PRKCA: variants seen among roughly 807,000 people sequenced by gnomAD.
PRKCA encodes the protein protein kinase C alpha type.
A neutral mutation model predicts 87.0 loss-of-function variants in PRKCA; 27 were observed. The ratio of observed to expected loss-of-function variants is 0.31; its 90% confidence interval spans 0.23 to 0.43. PRKCA has a LOEUF of 0.43. Ranked by LOEUF, PRKCA falls within the 20% of genes least tolerant of loss-of-function variation. The pLI is 1.00. For synonymous variants in PRKCA, 329 were observed against 311.1 expected (o/e 1.06, Z -0.61); for missense variants, 518 against 852.3 (o/e 0.61, Z 4.88).
chr17:66,684,137 A>G (rs1170694222), intron 5 of PRKCA, among the ~76,000 whole-genome samples: 1 of 151,916 alleles, frequency 6.6e-6, no homozygotes, highest in Admixed American at 6.6e-5. Context: ...TTTGCTTACC[A>G]CTCCGTAAGC....
intron 8 of PRKCA, among the ~76,000 whole-genome samples, chr17:66,698,096 G>C (rs1212501063): frequency 6.6e-6 from 1 of 152,208 alleles, no homozygotes; most frequent in African/African-American, 2.4e-5. Context: ...ACTGGTGAAG[G>C]CATTTCTCTC....
intron 2 of PRKCA, among the ~76,000 whole-genome samples, chr17:66,337,123 T>C (rs1246825174): frequency 5.3e-5 from 8 of 151,922 alleles, no homozygotes; most frequent in African/African-American, 1.9e-4. Flanking sequence ...TAGGAATCTG[T>C]TTAATTAGAT....
chr17:66,320,656 G>A (rs1035564854), intron 2 of PRKCA, among the ~76,000 whole-genome samples: 3 of 152,254 alleles, frequency 2.0e-5, no homozygotes, highest in Admixed American at 6.5e-5. Flanking sequence ...GAAGATGACC[G>A]TTCACGAAAT....
chr17:66,440,899 A>G (rs994367263), intron 2 of PRKCA, among the ~76,000 whole-genome samples: 5 of 152,096 alleles, frequency 3.3e-5, no homozygotes, highest in African/African-American at 1.2e-4. Context: ...ATGGTGGCTC[A>G]TGCCTGTAAT....
chr17:66,433,670 G>C (rs1166616082), intron 2 of PRKCA, among the ~76,000 whole-genome samples: 4 of 152,100 alleles, frequency 2.6e-5, no homozygotes, highest in Middle Eastern at 3.4e-3. Context: ...ACAGCCTCCC[G>C]AGTAGCTGGG....
At chr17:66,782,966 G>A (rs1975277128) in intron 14 of PRKCA, among the ~76,000 whole-genome samples, 1 of 152,322 alleles carries the variant, frequency 6.6e-6, no homozygotes, top group East Asian at 1.9e-4. Flanking sequence ...GCAGAGAGAG[G>A]CTGAGAAATG....
At chr17:66,472,939 C>T (rs774006323) in intron 2 of PRKCA, among the ~76,000 whole-genome samples, 1 of 152,116 alleles carries the variant, frequency 6.6e-6, no homozygotes, top group Non-Finnish European at 1.5e-5. Flanking sequence ...TTAGTCAGAG[C>T]CCTTAAGCAT....
intron 5 of PRKCA, among the ~76,000 whole-genome samples, chr17:66,661,899 T>C (rs1287415713): frequency 6.6e-6 from 1 of 152,216 alleles, no homozygotes; most frequent in Non-Finnish European, 1.5e-5. Flanking sequence ...TTAAACAACC[T>C]TCCCCTGCGG....
intron 8 of PRKCA, among the ~76,000 whole-genome samples, chr17:66,725,490 G>C (rs1210918449): frequency 6.6e-6 from 1 of 152,026 alleles, no homozygotes; most frequent in African/African-American, 2.4e-5. Context: ...GATCTCACAG[G>C]CTAGTGAGGA....
At chr17:66,426,002 G>A (rs2143812174) in intron 2 of PRKCA, among the ~76,000 whole-genome samples, 1 of 152,276 alleles carries the variant, frequency 6.6e-6, no homozygotes, top group Non-Finnish European at 1.5e-5. Context: ...AAGGGATGAT[G>A]TAGCAGCAAA....
chr17:66,413,057 C>A lies in PRKCA; in HGVS notation c.206-83144C>A, dbSNP rs1911909452. On this transcript the variant is annotated intron_variant, in intron 2 of 16. Coordinates refer to ENST00000413366, the MANE Select transcript of PRKCA (RefSeq NM_002737.3). The stretch of plus-strand genomic sequence containing the variant: ...TCAGTTCAGTTCTGACGCTGCCCAC[C>A]TGGCAGTAGTGTCAGATCCCACAAG... Among the ~76,000 whole-genome samples the A allele has an allele frequency of 3.3e-5, 5 of 152,168 alleles. No homozygotes were observed. The South Asian group carries it at 1.0e-3, about 32-fold the overall frequency.
intron 14 of PRKCA, chr17:66,775,162 C>G (rs1358462829): frequency 1.2e-5 from 10 of 816,208 alleles, no homozygotes; most frequent in Non-Finnish European, 1.2e-5. Flanking sequence ...TTTGAATGAC[C>G]CTGTGGTCAG....
chr17:66,550,948 G>A (rs1968308250), intron 3 of PRKCA, among the ~76,000 whole-genome samples: 1 of 152,194 alleles, frequency 6.6e-6, no homozygotes. Context: ...TTCTTTTAAA[G>A]CCTATATAAC....
chr17:66,438,133 G>A (rs904435462), intron 2 of PRKCA, among the ~76,000 whole-genome samples: 20 of 152,052 alleles, frequency 1.3e-4, no homozygotes, highest in African/African-American at 4.8e-4. Context: ...TGTTCTGAAC[G>A]GGTCCCCCTT....
chr17:66,648,304 C>T (rs1344977508), intron 5 of PRKCA, among the ~76,000 whole-genome samples: 1 of 152,200 alleles, frequency 6.6e-6, no homozygotes, highest in East Asian at 1.9e-4. Context: ...GAATTCAGAC[C>T]ACAGCAAATA....
At chr17:66,586,371 G>C (rs1209563311) in intron 3 of PRKCA, among the ~76,000 whole-genome samples, 1 of 152,180 alleles carries the variant, frequency 6.6e-6, no homozygotes, top group Non-Finnish European at 1.5e-5. Flanking sequence ...TCTTATTCCA[G>C]GTGTTCAGGG....
chr17:66,354,630 G>A (rs998469460), intron 2 of PRKCA, among the ~76,000 whole-genome samples: 3 of 152,108 alleles, frequency 2.0e-5, no homozygotes, highest in Admixed American at 2.0e-4. Flanking sequence ...AAACAGGGCT[G>A]CCCCCTTTTC....
At chr17:66,415,896 T>G (rs1024898928) in intron 2 of PRKCA, 2 of 152,194 alleles carry the variant, frequency 1.3e-5, no homozygotes, top group Middle Eastern at 3.2e-3. Context: ...TTGTTATAAT[T>G]AAGGTCAGTC....
chr17:66,517,253 C>T (rs1428950677), intron 3 of PRKCA, among the ~76,000 whole-genome samples: 1 of 152,128 alleles, frequency 6.6e-6, no homozygotes, highest in African/African-American at 2.4e-5. Flanking sequence ...CACTACACTC[C>T]AGCCTGGCGA....
Sources: gnomAD v4.1 joint callset for allele counts (sites outside exome capture counted in the v4.1 genomes callset) on GRCh38, gnomAD v4.1.1 for gene constraint, MANE v1.5 for transcripts, NCBI Gene and HGNC (gene_info 2026-07-23, HGNC 2026-07-21) for gene names.